The following NFATC2 variants were observed in gnomAD, a reference collection of about 807,000 sequenced individuals.
NFATC2 encodes nuclear factor of activated T-cells, cytoplasmic 2.
In NFATC2, 22 loss-of-function variants were observed where a neutral mutation model predicts 87.3. The ratio of observed to expected loss-of-function variants is 0.25; its 90% confidence interval spans 0.18 to 0.36. The LOEUF (loss-of-function observed/expected upper bound fraction) is 0.36, where lower values mean the gene tolerates loss of function less well. NFATC2 is among the 10% of genes least tolerant of loss of function. The probability of loss-of-function intolerance (pLI) is 1.00; values close to 1 mark genes in which losing one functional copy is unlikely to be tolerated. For synonymous variants in NFATC2, 565 were observed against 542.2 expected (o/e 1.04, Z -0.58); for missense variants, 1,149 against 1,259.1 (o/e 0.91, Z 1.32).
intron 5 of NFATC2, among the ~76,000 whole-genome samples, chr20:51,462,293 A>C (rs995297078): frequency 6.6e-6 from 1 of 151,536 alleles, no homozygotes; most frequent in African/African-American, 2.4e-5. Flanking sequence ...AAAAAAAAAA[A>C]AAAATAGCTG....
At chr20:51,485,851 T>C (rs1436090845) in intron 3 of NFATC2, among the ~76,000 whole-genome samples, 2 of 152,194 alleles carry the variant, frequency 1.3e-5, no homozygotes, top group African/African-American at 4.8e-5. Flanking sequence ...CATCTATGGC[T>C]GGGTGACTTG....
chr20:51,442,248 A>G (rs1281196758), intron 6 of NFATC2, among the ~76,000 whole-genome samples: 1 of 152,212 alleles, frequency 6.6e-6, no homozygotes, highest in Admixed American at 6.5e-5. Context: ...CCTGGTCAAC[A>G]TGCTGAAATC....
intron 3 of NFATC2, among the ~76,000 whole-genome samples, chr20:51,512,095 C>G (rs1005175068): frequency 6.6e-6 from 1 of 152,136 alleles, no homozygotes; most frequent in Non-Finnish European, 1.5e-5. Flanking sequence ...ACAGAGAGCA[C>G]GGAGGAGGAG....
intron 3 of NFATC2, among the ~76,000 whole-genome samples, chr20:51,508,327 G>A (rs771460002): frequency 2.6e-5 from 4 of 152,044 alleles, no homozygotes; most frequent in South Asian, 2.1e-4. Flanking sequence ...CTCTCACCTC[G>A]GAGGCCAGGG....
At chr20:51,446,094 C>T (rs1045151454) in intron 6 of NFATC2, among the ~76,000 whole-genome samples, 9 of 152,154 alleles carry the variant, frequency 5.9e-5, no homozygotes, top group Non-Finnish European at 8.8e-5. Flanking sequence ...CTGTGTGACT[C>T]GACTTCCCCA....
intron 5 of NFATC2, 56 bp from the exon 6 acceptor site, chr20:51,454,744 A>T: frequency 6.3e-7 from 1 of 1,591,302 alleles, no homozygotes; most frequent in Middle Eastern, 1.7e-4. Context: ...TGTTCAAAAG[A>T]GGAGGTCTGA....
intron 3 of NFATC2, among the ~76,000 whole-genome samples, chr20:51,487,158 G>A (rs1469136566): frequency 1.2e-4 from 19 of 152,216 alleles, no homozygotes; most frequent in Admixed American, 1.2e-3. Flanking sequence ...ACTATCTGCA[G>A]AGGCCTGGGC....
At chr20:51,403,104 A>G (rs1033326598) in intron 9 of NFATC2, among the ~76,000 whole-genome samples, 2 of 152,244 alleles carry the variant, frequency 1.3e-5, no homozygotes, top group Admixed American at 1.3e-4. Context: ...TCCTGGAAGC[A>G]GAGGCATCCC....
intron 7 of NFATC2, 126 bp from the exon 8 acceptor site, chr20:51,435,440 G>A (rs1171756301): frequency 3.6e-6 from 5 of 1,372,964 alleles, no homozygotes; most frequent in East Asian, 4.6e-5. Context: ...GGTTTACAGG[G>A]GAAGTTCAAT....
chr20:51,540,667 T>TTGTTTGTTTG lies in NFATC2; in HGVS notation c.130+1702_130+1703insCAAACAAACA, dbSNP rs778854065. 1.7e-3 allele frequency among the ~76,000 whole-genome samples: 246 copies of TTGTTTGTTTG among 147,338 alleles called. 5 individuals carry two copies. Among genetic ancestry groups the TTGTTTGTTTG allele is most frequent in the Non-Finnish European group, 2.2e-3 (148 of 67,220 alleles). On this transcript the variant is annotated intron_variant, in intron 1 of 10. Transcript: ENST00000371564. ...CTGAAGTTTTTTTTTTGTTTTTTTT[T>TTGTTTGTTTG]TTTTGAGAAAACAGATTCCAGGGCT...
At chr20:51,458,967 A>AG (rs1986860741) in intron 5 of NFATC2, among the ~76,000 whole-genome samples, 1 of 152,160 alleles carries the variant, frequency 6.6e-6, no homozygotes, top group Non-Finnish European at 1.5e-5. Context: ...CATGGTTTTG[A>AG]GTCCTGCATC....
chr20:51,534,101 C>T (rs1005888800), intron 1 of NFATC2, among the ~76,000 whole-genome samples: 2 of 152,162 alleles, frequency 1.3e-5, no homozygotes, highest in South Asian at 2.1e-4. Context: ...GTTCTCTCTG[C>T]AGTTTACATA....
chr20:51,389,509 T>G lies in NFATC2; in HGVS notation c.*1987A>C, dbSNP rs1044692054. The G allele has an allele frequency of 1.3e-5, 2 of 152,210 alleles. No individual in the cohort carries two copies. The highest frequency in any genetic ancestry group is 4.8e-5 in the African/African-American group (2 of 41,450). 9.4% of individuals were successfully genotyped at this position (152,210 alleles called of 1,614,324 possible). A position where few individuals can be genotyped will look rare whatever the true frequency, so the allele number is the denominator to read the frequency against. On this transcript the variant is annotated 3_prime_UTR_variant, in exon 11 of 11. Coordinates refer to ENST00000371564, the MANE Select transcript of NFATC2 (RefSeq NM_012340.5). ...AACTTATAATAAGGAACTTATTTTG[T>G]TCATGAGGAAGTATTTAGCATCCCA...
intron 6 of NFATC2, among the ~76,000 whole-genome samples, chr20:51,445,649 A>T (rs1984966191): frequency 2.0e-5 from 3 of 152,092 alleles, no homozygotes; most frequent in Non-Finnish European, 4.4e-5. Context: ...TGGGCCTGTG[A>T]CCTGGCTTCC....
rs559579825 is a variant in NFATC2 at position 51,420,321 on chromosome 20, C to T, written c.2722+11746G>A. On this transcript the variant is annotated intron_variant, in intron 9 of 10. Transcript: ENST00000371564. Reference sequence around the variant, plus strand: ...CCAAAAGACAGGCAACCCAACTCCACGTACCTCCTGTCAGAAGGATGTGTC... The same window carrying T: ...CCAAAAGACAGGCAACCCAACTCCATGTACCTCCTGTCAGAAGGATGTGTC... Among the ~76,000 whole-genome samples, 165 of 152,320 alleles carry T rather than the reference C, an allele frequency of 1.1e-3. 1 individual carries two copies. The highest frequency in any genetic ancestry group is 1.9e-3 in the Non-Finnish European group (130 of 68,022).
chr20:51,547,600 A>G (rs2076899570), upstream of NFATC2, among the ~76,000 whole-genome samples: 2 of 152,094 alleles, frequency 1.3e-5, no homozygotes, highest in South Asian at 4.1e-4. Context: ...ATATCCAATG[A>G]CGACCCAACA....
intron 5 of NFATC2, among the ~76,000 whole-genome samples, chr20:51,471,375 G>A (rs1600812056): frequency 6.6e-6 from 1 of 152,314 alleles, no homozygotes; most frequent in South Asian, 2.1e-4. Flanking sequence ...TCAAAACCAA[G>A]ACCTTGGTGG....
intron 3 of NFATC2, among the ~76,000 whole-genome samples, chr20:51,509,273 T>C (rs577868021): frequency 1.4e-3 from 67 of 47,084 alleles, no homozygotes; most frequent in African/African-American, 8.2e-3. Context: ...CTATTTAACA[T>C]ACTATTTAAA....
intron 1 of NFATC2, among the ~76,000 whole-genome samples, chr20:51,553,697 G>A (rs538045796): frequency 4.8e-4 from 73 of 151,128 alleles, no homozygotes; most frequent in Non-Finnish European, 1.5e-4. Flanking sequence ...AAAAAAAGAG[G>A]GAGGGCAGGC....
Sources: gnomAD v4.1 joint callset for allele counts (sites outside exome capture counted in the v4.1 genomes callset) on GRCh38, gnomAD v4.1.1 for gene constraint, MANE v1.5 for transcripts, NCBI Gene and HGNC (gene_info 2026-07-23, HGNC 2026-07-21) for gene names.